The following DDX41 variants were observed in gnomAD, a reference collection of about 807,000 sequenced individuals.
DDX41 encodes the protein probable ATP-dependent RNA helicase DDX41.
In DDX41, 50 loss-of-function variants were observed where a neutral mutation model predicts 78.8. That is an observed-to-expected ratio of 0.63 (90% CI 0.51 to 0.80). The LOEUF is 0.80. Among genes scored for constraint, DDX41 ranks in the 30% least tolerant of loss-of-function variants. The pLI, the probability that DDX41 is intolerant of heterozygous loss-of-function variation, is 0.00. For missense variants in DDX41, 633 were observed against 849.2 expected (o/e 0.75, Z 3.16); for synonymous variants, 381 against 321.5 (o/e 1.19, Z -1.98).
In DDX41 at chr5:177,513,012, G is replaced by A. The variant is rs765273800; in HGVS notation, c.1301C>T (p.Pro434Leu). 6.8e-6 allele frequency: 11 copies of A among 1,613,506 alleles called. No homozygotes were observed. Among genetic ancestry groups the A allele is most frequent in the Non-Finnish European group, 8.5e-6 (10 of 1,179,734 alleles). ...CCGGCCTGGCCTGGCTGCACTCACA[G>A]GCGGGGGTGTCTTCTGCAGGCACTC... ...LLECLQKTPPPVLIFAEKKAD... is the reference protein window; with the variant it reads ...LLECLQKTPPLVLIFAEKKAD... The change falls in exon 12 of 17, where the codon CCT (proline) becomes CTT (leucine). Residue 434 changes from proline (P) to leucine (L), a missense_variant and splice_region_variant. Physicochemically the swap from Pro to Leu is moderately conservative, Grantham distance 98. This residue lies in a region of DDX41 where 185 missense variants were observed against 367.4 expected (regional missense o/e 0.50). Transcript: ENST00000330503. This position sits in a 1 kb window ranked among gnomAD's most constrained non-coding sequence, Gnocchi z 4.6.
intron 14 of DDX41, 22 bp from the exon 15 acceptor site, chr5:177,512,415 C>G: frequency 6.2e-7 from 1 of 1,614,112 alleles, no homozygotes; most frequent in Non-Finnish European, 8.5e-7. Flanking sequence ...AGGACAGAGT[C>G]TCTGGCCCAT....
At chr5:177,516,014 G>A in intron 4 of DDX41, 25 bp from the exon 5 acceptor site, 3 of 1,614,140 alleles carry the variant, frequency 1.9e-6, no homozygotes, top group East Asian at 2.2e-5. Flanking sequence ...ATGGCTCAGG[G>A]CTGGCTCCTG....
rs1761091444 is a variant in DDX41 at position 177,513,740 on chromosome 5, C to T, written c.1043G>A (p.Arg348His). The T allele has an allele frequency of 3.1e-6, 5 of 1,613,810 alleles. No individual in the cohort carries two copies. Among genetic ancestry groups the T allele is most frequent in the Non-Finnish European group, 4.2e-6 (5 of 1,180,010 alleles). Residue 348 changes from arginine to histidine, a missense_variant, in exon 10 of 17, where the codon CGC (arginine) becomes CAC (histidine). This residue lies in a region of DDX41 where 151 missense variants were observed against 169.2 expected (regional missense o/e 0.89). Transcript: ENST00000330503. The surrounding 1 kb of genome is among the most constrained non-coding windows in gnomAD (Gnocchi z 4.6). ...ACCCTCGAAGCCCATGTCGATCATG[C>T]GGTCAGCCTCGTCCAGGGCCAGGTA... ...CRYLALDEAD[R>H]MIDMGFEGDI... is the part of the protein sequence containing the mutation.
intron 2 of DDX41, 46 bp downstream of exon 2, chr5:177,516,679 A>AC: frequency 6.5e-7 from 1 of 1,539,824 alleles, no homozygotes; most frequent in Non-Finnish European, 8.8e-7. Flanking sequence ...GCCCCCTGCG[A>AC]CCCCGCGGTC....
chr5:177,515,077 G>A lies in DDX41; in HGVS notation c.645-8C>T. The A allele has an allele frequency of 6.2e-7, 1 of 1,612,178 alleles. No individual in the cohort carries two copies. Among genetic ancestry groups the A allele is most frequent in the Non-Finnish European group, 8.5e-7 (1 of 1,178,374 alleles). On this transcript the variant is annotated splice_region_variant and splice_polypyrimidine_tract_variant and intron_variant, in intron 7 of 16. Coordinates refer to ENST00000330503, the MANE Select transcript of DDX41 (RefSeq NM_016222.4). The stretch of plus-strand genomic sequence containing the variant: ...ATGTCACGGCCAGATAGACTGTTGG[G>A]AGAGGATGACCCGAGGGCCAATTTC...
Position 177,513,606 on chromosome 5 carries a change from G to A in DDX41, c.1098+79C>T. ...TATGAGCAGTGGGTTGGGGTGGCCA[G>A]GGGCATGGGGTCCCTGCAGTCTGAT... On this transcript the variant is annotated intron_variant, in intron 10 of 16. Coordinates refer to ENST00000330503, the MANE Select transcript of DDX41 (RefSeq NM_016222.4). This position sits in a 1 kb window ranked among gnomAD's most constrained non-coding sequence, Gnocchi z 4.6. 9 of 1,604,154 alleles carry A rather than the reference G, an allele frequency of 5.6e-6. No homozygotes were observed. The highest frequency in any genetic ancestry group is 7.7e-6 in the Non-Finnish European group (9 of 1,173,138).
rs778216275 is a variant in DDX41, at chr5:177,514,992, A to G, written c.722T>C (p.Met241Thr). The G allele has an allele frequency of 5.0e-6, 8 of 1,613,790 alleles. No individual in the cohort carries two copies. The highest frequency in any genetic ancestry group is 3.3e-5 in the Admixed American group (2 of 60,012). Reference protein sequence around the residue: ...KTLVFTLPVIMFCLEQEKRLP... With the variant: ...KTLVFTLPVITFCLEQEKRLP... ...CCTCTTCTCTTGTTCCAGGCAGAAC[A>G]TGATGACGGGCAACGTGAACACCAG... is the stretch of plus-strand genomic sequence containing the variant. The change falls in exon 8 of 17, where the codon ATG becomes ACG. Residue 241 changes from methionine (M) to threonine (T), a missense_variant. Met to Thr is a moderately conservative substitution (Grantham distance 81). Transcript: ENST00000330503. The surrounding 1 kb of genome is among the most constrained non-coding windows in gnomAD (Gnocchi z 4.2).
At position 177,512,633 on chromosome 5, in the gene DDX41, C is replaced by T; in HGVS notation, c.1412G>A (p.Arg471Gln). The T allele has an allele frequency of 6.2e-7, 1 of 1,614,064 alleles. No homozygotes were observed. The highest frequency in any genetic ancestry group is 8.5e-7 in the Non-Finnish European group (1 of 1,180,006). Residue 471 changes from arginine (R) to glutamine (Q), a missense_variant, in exon 14 of 17, where the codon CGG becomes CAG. Arg to Gln is a conservative substitution (Grantham distance 43). Transcript: ENST00000330503. ...CCGGAATGCCTCGATGGCCTTAGTC[C>T]GTTCCTCCTGGTCTGGGGAGGGTCA... is the stretch of plus-strand genomic sequence containing the variant. ...AIHGGKDQEE[R>Q]TKAIEAFREG...
intron 16 of DDX41, 35 bp from the exon 17 acceptor site, chr5:177,511,962 G>A: frequency 6.2e-7 from 1 of 1,611,346 alleles, no homozygotes. Flanking sequence ...GCCAAGTCAA[G>A]GACCAGGATC....
At chr5:177,515,476 G>A in intron 6 of DDX41, 1 of 859,816 alleles carries the variant, frequency 1.2e-6, no homozygotes. Context: ...ATGCCCAATG[G>A]CACTTTCCTC....
chr5:177,512,762 T>C lies in DDX41; in HGVS notation c.1399+18A>G, dbSNP rs373651337. 1.2e-6 allele frequency: 2 copies of C among 1,613,636 alleles called. No individual in the cohort carries two copies. The highest frequency in any genetic ancestry group is 1.1e-5 in the South Asian group (1 of 91,074). On this transcript the variant is annotated intron_variant, in intron 13 of 16. Transcript: ENST00000330503. Reference sequence around the variant, plus strand: ...GCTACTGCAGCAGGGTCCAAGCCAGTGCTTGCACCACCCTGACCTTTGCCC... The same window carrying C: ...GCTACTGCAGCAGGGTCCAAGCCAGCGCTTGCACCACCCTGACCTTTGCCC...
rs1355629129 is a variant in DDX41, at chr5:177,514,180, C to G, written c.936-333G>C. On this transcript the variant is annotated intron_variant, in intron 9 of 16. Coordinates refer to ENST00000330503, the MANE Select transcript of DDX41 (RefSeq NM_016222.4). The surrounding 1 kb of genome is among the most constrained non-coding windows in gnomAD (Gnocchi z 4.2). ...CACCTTTTCTGTGCTCACCATCTCC[C>G]TAATACTCAGAAGTCCGTGGAGGAA... is the stretch of plus-strand genomic sequence containing the variant. 3.7e-6 allele frequency: 2 copies of G among 535,990 alleles called. No individual in the cohort carries two copies. Among genetic ancestry groups the G allele is most frequent in the Non-Finnish European group, 3.6e-6 (1 of 279,286 alleles). 33.2% of individuals were successfully genotyped at this position (535,990 alleles called of 1,614,324 possible). A position where few individuals can be genotyped will look rare whatever the true frequency, so the allele number is the denominator to read the frequency against.
intron 16 of DDX41, 48 bp downstream of exon 16, chr5:177,512,048 C>A (rs1433454836): frequency 1.2e-6 from 2 of 1,608,830 alleles, no homozygotes; most frequent in Non-Finnish European, 1.7e-6. Context: ...CAGCACCCCT[C>A]CTTGCCACCT....
At position 177,514,963 on chromosome 5, in the gene DDX41, G is replaced by A. The variant is rs747842313; in HGVS notation, c.751C>T (p.Pro251Ser). ...MFCLEQEKRL[P>S]FSKREGPYGL... is the part of the protein sequence containing the mutation. ...TAGGGCCCCTCGCGCTTTGAGAAGG[G>A]TAACCTCTTCTCTTGTTCCAGGCAG... Residue 251 changes from proline (P) to serine (S), a missense_variant, in exon 8 of 17, where the codon CCC becomes TCC. Physicochemically the swap from Pro to Ser is moderately conservative, Grantham distance 74. Coordinates refer to ENST00000330503, the MANE Select transcript of DDX41 (RefSeq NM_016222.4). This position sits in a 1 kb window ranked among gnomAD's most constrained non-coding sequence, Gnocchi z 4.2. 11 of 1,613,390 alleles carry A rather than the reference G, an allele frequency of 6.8e-6. No individual in the cohort carries two copies. Among genetic ancestry groups the A allele is most frequent in the Non-Finnish European group, 9.3e-6 (11 of 1,179,570 alleles).
Position 177,513,215 on chromosome 5 carries a change from C to A in DDX41, c.1231-133G>T, listed in dbSNP as rs966958195. ...CCAAGGGCTGGTGCCCTAAAAATGG[C>A]CCTGGTTAAGCGTCAGGGGCTTTGA... On this transcript the variant is annotated intron_variant, in intron 11 of 16. Coordinates refer to ENST00000330503, the MANE Select transcript of DDX41 (RefSeq NM_016222.4). The surrounding 1 kb of genome is among the most constrained non-coding windows in gnomAD (Gnocchi z 4.6). The A allele has an allele frequency of 3.9e-6, 6 of 1,525,708 alleles. No homozygotes were observed. In the African/African-American group the frequency reaches 6.9e-5, roughly 18 times the overall value. The allele number at this position is 1,525,708 out of a possible 1,614,324, so 94.5% of individuals were successfully genotyped here.
chr5:177,513,129 C>A lies in DDX41; in HGVS notation c.1231-47G>T, dbSNP rs988458076. The A allele has an allele frequency of 1.9e-6, 3 of 1,587,652 alleles. No homozygotes were observed. Among genetic ancestry groups the A allele is most frequent in the South Asian group, 2.3e-5 (2 of 88,024 alleles). ...CAGGTGATCTTGAGATTAGGCTTAC[C>A]CGCCACAGCCCTGCCATGGCCCGTC... On this transcript the variant is annotated intron_variant, in intron 11 of 16. Coordinates refer to ENST00000330503, the MANE Select transcript of DDX41 (RefSeq NM_016222.4). This position sits in a 1 kb window ranked among gnomAD's most constrained non-coding sequence, Gnocchi z 4.6.
rs1209597679 is a variant in DDX41, at chr5:177,514,265, TG to T, written c.936-419del. ...AGAGGGCCTGGTCCAGGGCCTCTGG[TG>T]GTCTGCAGAGGACTGCACAGCACTG... is the stretch of plus-strand genomic sequence containing the variant. On this transcript the variant is annotated intron_variant, in intron 9 of 16. Coordinates refer to ENST00000330503, the MANE Select transcript of DDX41 (RefSeq NM_016222.4). The surrounding 1 kb of genome is among the most constrained non-coding windows in gnomAD (Gnocchi z 4.2). The T allele has an allele frequency of 2.0e-6, 1 of 488,542 alleles. No individual in the cohort carries two copies. The highest frequency in any genetic ancestry group is 1.5e-5 in the South Asian group (1 of 64,818). The allele number at this position is 488,542 out of a possible 1,614,324, so 30.3% of individuals were successfully genotyped here. A position where few individuals can be genotyped will look rare whatever the true frequency, so the allele number is the denominator to read the frequency against.
chr5:177,511,863 C>T lies in DDX41; in HGVS notation c.1797G>A (p.Glu599=), dbSNP rs752923266. Residue 599 remains glutamate (E), a synonymous_variant, in exon 17 of 17, where the codon GAG becomes GAA. Transcript: ENST00000330503. ...TGCTGACCTGCTTGGTCTGCATAGC[C>T]TCGAGTTTGGGGCAGTCAGTGATCC... ...GHRITDCPKL[E]AMQTKQVSNI... is the part of the protein sequence containing the mutation. 1.9e-6 allele frequency: 3 copies of T among 1,614,038 alleles called. No individual in the cohort carries two copies. In the South Asian group the frequency reaches 3.3e-5, roughly 18 times the overall value.
Position 177,515,018 on chromosome 5 carries a change from T to C in DDX41, c.696A>G (p.Thr232=), listed in dbSNP as rs747935808. 6.2e-7 allele frequency: 1 copy of C among 1,613,856 alleles called. No individual in the cohort carries two copies. Among genetic ancestry groups the C allele is most frequent in the Non-Finnish European group, 8.5e-7 (1 of 1,179,894 alleles). The change falls in exon 8 of 17, where the codon ACA becomes ACG. Residue 232 remains threonine, a synonymous_variant. Coordinates refer to ENST00000330503, the MANE Select transcript of DDX41 (RefSeq NM_016222.4). Reference sequence around the variant, plus strand: ...TGATGACGGGCAACGTGAACACCAGTGTCTTGCCTGAACCCGTGAAAGCGA... The same window carrying C: ...TGATGACGGGCAACGTGAACACCAGCGTCTTGCCTGAACCCGTGAAAGCGA... ...IGIAFTGSGK[T]LVFTLPVIMF... is the part of the protein sequence containing the mutation.
Sources: allele counts gnomAD v4.1 joint callset, GRCh38; gene constraint gnomAD v4.1.1; regional missense constraint gnomAD v4.1.1; non-coding constraint Gnocchi (gnomAD v3.1); transcripts MANE v1.5; gene names NCBI Gene and HGNC (gene_info 2026-07-23, HGNC 2026-07-21).